Variants in DEAF1 observed in about 807,000 individuals in gnomAD.
DEAF1 encodes DEAF1 transcription factor.
Under a neutral mutation model 58.9 loss-of-function variants are expected in DEAF1, and 53 were observed. The ratio of observed to expected loss-of-function variants is 0.90; its 90% CI spans 0.72 to 1.13. The LOEUF is 1.13. DEAF1 is among the 50% of genes most tolerant of loss of function. DEAF1 has a pLI of 0.00. For missense variants in DEAF1, 685 were observed against 791.4 expected, an observed-to-expected ratio of 0.87 and a Z score of 1.61; for synonymous variants, 385 against 340.4, an observed-to-expected ratio of 1.13 and a Z score of -1.44.
rs550129690 is a variant in DEAF1, at chr11:701,600, G to A, written c.-438+4972C>T. ...TCATTTTTGTATTTTTAGTAGAGATGGGGTTTCACCATGTTAGCCAGGATG... is the reference window on the plus strand; with the variant it reads ...TCATTTTTGTATTTTTAGTAGAGATAGGGTTTCACCATGTTAGCCAGGATG... On this transcript the variant is annotated intron_variant, in intron 1 of 11. Transcript: ENST00000683307. Among the ~76,000 whole-genome samples the A allele has an allele frequency of 4.3e-3, 653 of 151,816 alleles. 6 individuals are homozygous for A. Among genetic ancestry groups the A allele is most frequent in the African/African-American group, 0.015 (616 of 41,356 alleles).
At position 688,391 on chromosome 11, in the gene DEAF1, T is replaced by G. The variant is rs772491770; in HGVS notation, c.457A>C (p.Thr153Pro). ...GTGGTCTCCACGATGCTCCCATCTG[T>G]GTGGACGACAATCAGTGTCGCTTTT... ...TEKATLIVVH[T>P]DGSIVETTGL... Residue 153 changes from threonine to proline, a missense_variant, in exon 3 of 12, where the codon ACA (threonine) becomes CCA (proline). By Grantham distance (38) the Thr-to-Pro change is conservative (BLOSUM62 -1). Coordinates refer to ENST00000382409, the MANE Select transcript of DEAF1 (RefSeq NM_021008.4). This position sits in a 1 kb window ranked among gnomAD's most constrained non-coding sequence, Gnocchi z 4.3. 1 of 1,613,902 alleles carries G rather than the reference T, an allele frequency of 6.2e-7. No individual in the cohort carries two copies. Among genetic ancestry groups the G allele is most frequent in the Non-Finnish European group, 8.5e-7 (1 of 1,180,022 alleles).
chr11:704,016 C>T (rs1861615847), intron 1 of DEAF1: 1 of 1,203,414 alleles, frequency 8.3e-7, no homozygotes, highest in Non-Finnish European at 1.0e-6. Flanking sequence ...AGTAGCTTTC[C>T]CTTCACTTGA....
Position 654,007 on chromosome 11 carries a change from G to A in DEAF1, c.1548C>T (p.Thr516=), listed in dbSNP as rs144564572. The A allele has an allele frequency of 1.4e-4, 232 of 1,613,814 alleles. No homozygotes were observed. The African/African-American group carries it at 1.6e-3, about 11-fold the overall frequency. The part of the protein sequence containing the change: ...NCGREAMSEC[T]GCHKVNYCST... ...AGCAGTAGTTGACCTTGTGGCAGCC[G>A]GTGCACTCGCTCATAGCCTCCCGGC... is the stretch of plus-strand genomic sequence containing the variant. The change falls in exon 11 of 12, where the codon ACC becomes ACT. Residue 516 remains threonine, a synonymous_variant. Transcript: ENST00000382409.
Position 705,819 on chromosome 11 carries a change from A to G in DEAF1, c.-438+753T>C, listed in dbSNP as rs561868893. On this transcript the variant is annotated intron_variant, in intron 1 of 11. Coordinates refer to the DEAF1 transcript ENST00000683307. ...GCGCCAGCGCTGCCCCCGAAGTCCCATTGGCAGCGTTCCCCCGTCCCCCGG... is the reference window on the plus strand; with the variant it reads ...GCGCCAGCGCTGCCCCCGAAGTCCCGTTGGCAGCGTTCCCCCGTCCCCCGG... Among the ~76,000 whole-genome samples the G allele has an allele frequency of 3.9e-5, 6 of 152,216 alleles. No individual in the cohort carries two copies. The East Asian group carries it at 7.8e-4, about 20-fold the overall frequency.
rs981546929 is a variant in DEAF1, at chr11:644,298, G to A, written c.*252C>T. 18 of 588,826 alleles carry A rather than the reference G, an allele frequency of 3.1e-5. No homozygotes were observed. Among genetic ancestry groups the A allele is most frequent in the African/African-American group, 3.0e-4 (16 of 53,732 alleles). 36.5% of individuals were successfully genotyped at this position (588,826 alleles called of 1,614,324 possible). On this transcript the variant is annotated 3_prime_UTR_variant, in exon 12 of 12. Coordinates refer to ENST00000382409, the MANE Select transcript of DEAF1 (RefSeq NM_021008.4). The surrounding 1 kb of genome is among the most constrained non-coding windows in gnomAD (Gnocchi z 4.3). ...ATGTGCGTCGCAGCACAGGCCCTGTGGGCAAGACCGGACGCTCATGATCCC... is the reference window on the plus strand; with the variant it reads ...ATGTGCGTCGCAGCACAGGCCCTGTAGGCAAGACCGGACGCTCATGATCCC...
rs1456712620 is a variant in DEAF1 at position 694,851 on chromosome 11, A to C, written c.197T>G (p.Val66Gly). The change falls in exon 1 of 12, where the codon GTG (valine) becomes GGG (glycine). Residue 66 changes from valine to glycine, a missense_variant. This residue lies in a region of DEAF1 where 210 missense variants were observed against 177.3 expected (regional missense o/e 1.18). Coordinates refer to ENST00000382409, the MANE Select transcript of DEAF1 (RefSeq NM_021008.4). ...AERETPRVTAVAVMAAEPGHM... is the reference protein window; with the variant it reads ...AERETPRVTAGAVMAAEPGHM... ...CCCGGGCTCCGCCGCCATCACCGCC[A>C]CTGCCGTGACCCGCGGCGTCTCCCG... 16 of 1,490,074 alleles carry C rather than the reference A, an allele frequency of 1.1e-5. No homozygotes were observed. The highest frequency in any genetic ancestry group is 7.2e-5 in the African/African-American group (5 of 69,296). 92.3% of individuals were successfully genotyped at this position (1,490,074 alleles called of 1,614,324 possible).
chr11:659,650 C>T (rs925326840), intron 10 of DEAF1, among the ~76,000 whole-genome samples: 2 of 152,154 alleles, frequency 1.3e-5, no homozygotes, highest in Admixed American at 1.3e-4. Context: ...GATTGGAGGG[C>T]GAGTTGGCCT....
At position 644,610 on chromosome 11, in the gene DEAF1, G is replaced by C. The variant is rs1169471777; in HGVS notation, c.1638C>G (p.Val546=). ...HQHICGQSAA[V]TVQADEVHVA... ...CGTGGACTTCGTCTGCCTGGACGGT[G>C]ACAGCTGCTGACTGGCCGCATATGT... Residue 546 remains valine (V), a synonymous_variant, in exon 12 of 12, where the codon GTC becomes GTG. Transcript: ENST00000382409. This position sits in a 1 kb window ranked among gnomAD's most constrained non-coding sequence, Gnocchi z 4.3. 3 of 1,612,970 alleles carry C rather than the reference G, an allele frequency of 1.9e-6. No individual in the cohort carries two copies. The South Asian group carries it at 3.3e-5, about 18-fold the overall frequency.
intron 1 of DEAF1, chr11:700,914 A>G: frequency 1.6e-6 from 1 of 608,600 alleles, no homozygotes; most frequent in East Asian, 2.8e-5. Context: ...CACTGGGGGC[A>G]TCGTTGGGAG....
At chr11:693,726 C>A (rs970031596) in intron 1 of DEAF1, 1 of 152,344 alleles carries the variant, frequency 6.6e-6, no homozygotes, top group Non-Finnish European at 1.5e-5. Context: ...ACGGCACCAG[C>A]CCCGTAGGGC....
intron 1 of DEAF1, chr11:692,157 T>C (rs1860864159): frequency 5.0e-6 from 1 of 201,968 alleles, no homozygotes; most frequent in Admixed American, 5.3e-5. Context: ...CTATGTCCCT[T>C]GGTGCCACCC....
At chr11:680,174 A>C (rs926642630) in intron 7 of DEAF1, 77 of 337,176 alleles carry the variant, frequency 2.3e-4, no homozygotes, top group African/African-American at 1.4e-3. Context: ...GCTGAAGGTA[A>C]AAAGCAGCCG....
At chr11:694,201 G>A (rs552856443) in intron 1 of DEAF1, among the ~76,000 whole-genome samples, 2 of 151,740 alleles carry the variant, frequency 1.3e-5, no homozygotes, top group African/African-American at 2.4e-5. Flanking sequence ...AGTAGGAGGC[G>A]GGGCTGCCAC....
intron 1 of DEAF1, chr11:706,246 C>G (rs1319851070): frequency 1.3e-5 from 2 of 152,020 alleles, no homozygotes; most frequent in Non-Finnish European, 2.9e-5. Flanking sequence ...GACGCACCGG[C>G]GAGCGCCGAG....
intron 1 of DEAF1, among the ~76,000 whole-genome samples, chr11:694,112 C>A (rs897376303): frequency 6.6e-5 from 10 of 152,092 alleles, no homozygotes; most frequent in Non-Finnish European, 1.2e-4. Flanking sequence ...GCCCACCCAC[C>A]CCAGGGCTTC....
chr11:695,137 C>T lies in DEAF1; in HGVS notation c.-90G>A. ...CCGAAGCGGGGCCCGAAGAGGACGCCCGAGCTGGGCCGAGGCCGCCCGAAG... is the reference window on the plus strand; with the variant it reads ...CCGAAGCGGGGCCCGAAGAGGACGCTCGAGCTGGGCCGAGGCCGCCCGAAG... On this transcript the variant is annotated 5_prime_UTR_variant, in exon 1 of 12. Transcript: ENST00000382409. The T allele has an allele frequency of 8.3e-7, 1 of 1,200,976 alleles. No individual in the cohort carries two copies. Among genetic ancestry groups the T allele is most frequent in the East Asian group, 3.7e-5 (1 of 27,362 alleles). The allele number at this position is 1,200,976 out of a possible 1,614,324, so 74.4% of individuals were successfully genotyped here.
At position 644,529 on chromosome 11, in the gene DEAF1, C is replaced by A. The variant is rs201424932; in HGVS notation, c.*21G>T. 38 of 1,605,696 alleles carry A rather than the reference C, an allele frequency of 2.4e-5. 1 individual carries two copies. In the African/African-American group the frequency reaches 4.3e-4, roughly 18 times the overall value. ...CACAGGAGTGCGAGGGGCCCCAGCT[C>A]CCAGGGCGGCCGATGGAGCCTCACA... On this transcript the variant is annotated 3_prime_UTR_variant, in exon 12 of 12. Coordinates refer to ENST00000382409, the MANE Select transcript of DEAF1 (RefSeq NM_021008.4). The surrounding 1 kb of genome is among the most constrained non-coding windows in gnomAD (Gnocchi z 4.3).
At position 688,416 on chromosome 11, in the gene DEAF1, T is replaced by C. The variant is rs566174877; in HGVS notation, c.432A>G (p.Glu144=). The change falls in exon 3 of 12, where the codon GAA becomes GAG. Residue 144 remains glutamate, a synonymous_variant. Coordinates refer to ENST00000382409, the MANE Select transcript of DEAF1 (RefSeq NM_021008.4). The surrounding 1 kb of genome is among the most constrained non-coding windows in gnomAD (Gnocchi z 4.3). ...TGTGGACGACAATCAGTGTCGCTTT[T>C]TCGGTGTTCAGGCTGTCCCCGATCT... ...ALQIGDSLNT[E]KATLIVVHTD... is the part of the protein sequence containing the mutation. 1 of 1,613,970 alleles carries C rather than the reference T, an allele frequency of 6.2e-7. No individual in the cohort carries two copies. Among genetic ancestry groups the C allele is most frequent in the Admixed American group, 1.7e-5 (1 of 60,022 alleles).
At chr11:705,751 C>A (rs774823893) in intron 1 of DEAF1, among the ~76,000 whole-genome samples, 33 of 152,184 alleles carry the variant, frequency 2.2e-4, no homozygotes, top group Non-Finnish European at 3.1e-4. Flanking sequence ...CCTGGCCCGG[C>A]GGAGGCTCTG....
Sources: gnomAD v4.1 joint callset for allele counts (sites outside exome capture counted in the v4.1 genomes callset) on GRCh38, gnomAD v4.1.1 for gene constraint, gnomAD v4.1.1 regional missense constraint, Gnocchi (gnomAD v3.1) non-coding constraint, MANE v1.5 for transcripts, NCBI Gene and HGNC (gene_info 2026-07-23, HGNC 2026-07-21) for gene names.